Variants in SLC24A2 observed in about 807,000 individuals in gnomAD.
SLC24A2 encodes sodium/potassium/calcium exchanger 2.
A neutral mutation model predicts 62.0 loss-of-function variants in SLC24A2; 36 were observed. The observed-to-expected ratio is 0.58, with a 90% CI of 0.44 to 0.77. The LOEUF is 0.77. SLC24A2 is among the 30% of genes least tolerant of loss of function. SLC24A2 has a pLI of 0.00. For synonymous variants in SLC24A2, 358 were observed against 294.0 expected, an observed-to-expected ratio of 1.22 and a Z score of -2.23; for missense variants, 846 against 817.9, an observed-to-expected ratio of 1.03 and a Z score of -0.42.
chr9:20,076,989 T>A, the SLC24A2 span, among the ~76,000 whole-genome samples: 1 of 150,546 alleles, frequency 6.6e-6, no homozygotes, highest in Non-Finnish European at 1.5e-5. Context: ...GTTCTACCAT[T>A]TGCCACAACA....
At chr9:20,067,023 T>C in the SLC24A2 span, among the ~76,000 whole-genome samples, 5 of 152,126 alleles carry the variant, frequency 3.3e-5, no homozygotes, top group Non-Finnish European at 2.9e-5. Context: ...AACAGGAAAA[T>C]GTTTACAGTT....
the SLC24A2 span, among the ~76,000 whole-genome samples, chr9:19,993,899 A>C: frequency 6.6e-6 from 1 of 152,266 alleles, no homozygotes; most frequent in Non-Finnish European, 1.5e-5. Context: ...ATCTAAAAAC[A>C]GGAAGAGAAG....
At chr9:19,709,419 G>C (rs902385648) in intron 2 of SLC24A2, among the ~76,000 whole-genome samples, 31 of 152,160 alleles carry the variant, frequency 2.0e-4, no homozygotes, top group Non-Finnish European at 3.8e-4. Flanking sequence ...ATACCCAAAG[G>C]ATTATAAATC....
At chr9:20,081,687 C>G in the SLC24A2 span, among the ~76,000 whole-genome samples, 1 of 152,080 alleles carries the variant, frequency 6.6e-6, no homozygotes, top group Non-Finnish European at 1.5e-5. Flanking sequence ...TTACCTAATT[C>G]TCTTCCAAAT....
intron 2 of SLC24A2, among the ~76,000 whole-genome samples, chr9:19,766,324 C>G (rs553703064): frequency 6.6e-6 from 1 of 152,126 alleles, no homozygotes; most frequent in Non-Finnish European, 1.5e-5. Flanking sequence ...ATTCTCTGTC[C>G]AGTTTTGTTC....
chr9:20,114,652 T>A, the SLC24A2 span, among the ~76,000 whole-genome samples: 1 of 152,138 alleles, frequency 6.6e-6, no homozygotes, highest in Non-Finnish European at 1.5e-5. Context: ...CATTCATTCA[T>A]AAATATAATG....
chr9:19,591,282 A>C (rs1836541189), intron 5 of SLC24A2, among the ~76,000 whole-genome samples: 1 of 152,188 alleles, frequency 6.6e-6, no homozygotes, highest in South Asian at 2.1e-4. Context: ...TAAATTTAAC[A>C]TGAGTGCTCA....
At chr9:19,975,815 C>G in the SLC24A2 span, among the ~76,000 whole-genome samples, 1 of 151,838 alleles carries the variant, frequency 6.6e-6, no homozygotes, top group African/African-American at 2.4e-5. Flanking sequence ...CCCTCCATAT[C>G]TGTGGGCCTG....
At chr9:19,532,889 C>T (rs985247294) in intron 8 of SLC24A2, among the ~76,000 whole-genome samples, 5 of 152,146 alleles carry the variant, frequency 3.3e-5, no homozygotes, top group Non-Finnish European at 7.4e-5. Flanking sequence ...TCTTGTTTTG[C>T]AGGAGTATCT....
At chr9:19,738,237 T>C (rs1308163187) in intron 2 of SLC24A2, among the ~76,000 whole-genome samples, 1 of 152,164 alleles carries the variant, frequency 6.6e-6, no homozygotes, top group East Asian at 1.9e-4. Context: ...GCAGTGTTTG[T>C]CCCCACTATC....
chr9:19,638,988 C>G (rs1192974288), intron 2 of SLC24A2, among the ~76,000 whole-genome samples: 1 of 152,150 alleles, frequency 6.6e-6, no homozygotes, highest in Non-Finnish European at 1.5e-5. Flanking sequence ...CAGTTTATTT[C>G]AGTTTCACAT....
the SLC24A2 span, among the ~76,000 whole-genome samples, chr9:20,163,724 T>G: frequency 6.6e-6 from 1 of 152,124 alleles, no homozygotes; most frequent in East Asian, 1.9e-4. Context: ...CTACCTGACT[T>G]CAAACTATAC....
the SLC24A2 span, among the ~76,000 whole-genome samples, chr9:19,872,000 A>C: frequency 1.3e-5 from 2 of 151,950 alleles, no homozygotes; most frequent in Non-Finnish European, 2.9e-5. Context: ...TGTGGTTGTT[A>C]TATATCAGGA....
At chr9:20,152,804 G>C in the SLC24A2 span, among the ~76,000 whole-genome samples, 1 of 151,962 alleles carries the variant, frequency 6.6e-6, no homozygotes, top group East Asian at 1.9e-4. Context: ...CCTTTTGAAA[G>C]CTGGATTGGG....
chr9:19,895,860 G>GCTT, the SLC24A2 span: 2 of 1,611,290 alleles, frequency 1.2e-6, no homozygotes, highest in African/African-American at 2.7e-5. Flanking sequence ...CAGCAAAGAA[G>GCTT]GGGTGCAGCA....
chr9:19,824,442 G>A, the SLC24A2 span, among the ~76,000 whole-genome samples: 1 of 152,188 alleles, frequency 6.6e-6, no homozygotes, highest in Non-Finnish European at 1.5e-5. Context: ...CTGGTTATTA[G>A]AGAAATGCAA....
chr9:19,544,149 C>A (rs1028525055), intron 8 of SLC24A2, among the ~76,000 whole-genome samples: 1 of 151,702 alleles, frequency 6.6e-6, no homozygotes. Context: ...ATAGTTGGCT[C>A]TTCTTGTTGC....
At chr9:19,649,707 T>G (rs1214417134) in intron 2 of SLC24A2, among the ~76,000 whole-genome samples, 1 of 152,222 alleles carries the variant, frequency 6.6e-6, no homozygotes, top group Non-Finnish European at 1.5e-5. Context: ...CAGTGGCATG[T>G]GGTTCAATGG....
the SLC24A2 span, among the ~76,000 whole-genome samples, chr9:19,886,286 C>A: frequency 6.6e-6 from 1 of 152,092 alleles, no homozygotes; most frequent in African/African-American, 2.4e-5. Context: ...TTAATCATAG[C>A]CTTTCTGACT....
Sources: allele counts gnomAD v4.1 joint callset (sites outside exome capture counted in the v4.1 genomes callset), GRCh38; gene constraint gnomAD v4.1.1; transcripts MANE v1.5; gene names NCBI Gene and HGNC (gene_info 2026-07-23, HGNC 2026-07-21).